Variants in FUBP1 observed in about 807,000 individuals in gnomAD.
The protein encoded by FUBP1 is far upstream element binding protein 1, also known as far upstream element-binding protein 1.
Under a neutral mutation model 94.9 loss-of-function variants are expected in FUBP1, and 16 were observed. The observed-to-expected ratio is 0.17, with a 90% confidence interval of 0.11 to 0.26. The LOEUF (loss-of-function observed/expected upper bound fraction) is 0.26. Among genes scored for constraint, FUBP1 ranks in the 10% least tolerant of loss-of-function variants. The probability of loss-of-function intolerance (pLI) is 1.00; values close to 1 mark genes in which losing one functional copy is unlikely to be tolerated. For synonymous variants in FUBP1, 279 were observed against 254.9 expected, an observed-to-expected ratio of 1.09 and a Z score of -0.90; for missense variants, 583 against 808.6, an observed-to-expected ratio of 0.72 and a Z score of 3.38.
At chr1:77,969,167 C>A in intron 2 of FUBP1, 2 of 431,510 alleles carry the variant, frequency 4.6e-6, no homozygotes, top group Admixed American at 3.3e-5. Flanking sequence ...AAAAACCTCA[C>A]TATAAATATG....
At chr1:77,965,261 G>A in intron 7 of FUBP1, 30 bp from the exon 8 acceptor site, 1 of 1,468,938 alleles carries the variant, frequency 6.8e-7, no homozygotes, top group Non-Finnish European at 9.5e-7. Context: ...TAAATAGTAA[G>A]CTGTAGCATA....
At chr1:77,972,036 G>T (rs919846833) in intron 1 of FUBP1, among the ~76,000 whole-genome samples, 61 of 148,970 alleles carry the variant, frequency 4.1e-4, no homozygotes, top group African/African-American at 1.4e-3. Context: ...GTAAATTCTC[G>T]CTTTGGTCAA....
chr1:77,971,060 AC>A (rs1408516650), intron 1 of FUBP1, among the ~76,000 whole-genome samples: 1 of 151,622 alleles, frequency 6.6e-6, no homozygotes, highest in Non-Finnish European at 1.5e-5. Context: ...AAAATAAAAA[AC>A]AAAAAAAAAA....
At chr1:77,966,977 T>A (rs2102423240) in intron 5 of FUBP1, 22 bp from the exon 6 acceptor site, 1 of 1,572,148 alleles carries the variant, frequency 6.4e-7, no homozygotes, top group Non-Finnish European at 8.7e-7. Flanking sequence ...AAAAAAAATT[T>A]TTTTTTTGGT....
intron 16 of FUBP1, among the ~76,000 whole-genome samples, chr1:77,959,248 A>G (rs3767026): frequency 0.047 from 7,203 of 152,278 alleles, 229 homozygotes; most frequent in East Asian, 0.11. Context: ...AGGATCATAA[A>G]TAAATGTTAA....
rs1651699220 is a variant in FUBP1 at position 77,944,265 on chromosome 1, A to G, written c.*4501T>C. On this transcript the variant is annotated 3_prime_UTR_variant, in exon 20 of 20. Transcript: ENST00000370768. ...GCCAATCTTCTTTTTACACACGGGT[A>G]GTTTCTGTAGAGAACATTTTTCTCA... The G allele has an allele frequency of 5.0e-6, 1 of 199,806 alleles. No homozygotes were observed. 12.4% of individuals were successfully genotyped at this position (199,806 alleles called of 1,614,324 possible). A position where few individuals can be genotyped will look rare whatever the true frequency, so the allele number is the denominator to read the frequency against.
Position 77,968,179 on chromosome 1 carries a change from G to A in FUBP1, c.236C>T (p.Ala79Val). 6.5e-7 allele frequency: 1 copy of A among 1,538,266 alleles called. No homozygotes were observed. Among genetic ancestry groups the A allele is most frequent in the African/African-American group, 1.4e-5 (1 of 69,272 alleles). Residue 79 changes from alanine (A) to valine (V), a missense_variant, in exon 3 of 20, where the codon GCT becomes GTT. Transcript: ENST00000370768. ...GGAATACTTACAGTCATTTTGAGGA[G>A]CAACTTTCTTAGCATCTGGTTGATC... ...DGDQPDAKKV[A>V]PQNDSFGTQL... is the part of the protein sequence containing the mutation.
At position 77,947,286 on chromosome 1, in the gene FUBP1, G is replaced by T; in HGVS notation, c.*1480C>A. On this transcript the variant is annotated 3_prime_UTR_variant, in exon 20 of 20. Coordinates refer to ENST00000370768, the MANE Select transcript of FUBP1 (RefSeq NM_003902.5). ...TTAAGCTCACTTTAAAAAAAATACA[G>T]AACTATGTATTATTCTATGTTAAAT... 1 of 321,002 alleles carries T rather than the reference G, an allele frequency of 3.1e-6. No homozygotes were observed. Among genetic ancestry groups the T allele is most frequent in the Non-Finnish European group, 6.0e-6 (1 of 165,940 alleles). The allele number at this position is 321,002 out of a possible 1,614,324, so 19.9% of individuals were successfully genotyped here.
rs139194716 is a variant in FUBP1, at chr1:77,964,300, G to T, written c.894C>A (p.Ile298=). 1.3e-4 allele frequency: 210 copies of T among 1,608,604 alleles called. No homozygotes were observed. The highest frequency in any genetic ancestry group is 2.5e-4 in the Admixed American group (15 of 59,980). The change falls in exon 11 of 20, where the codon ATC becomes ATA. Residue 298 remains isoleucine (I), a synonymous_variant. Coordinates refer to ENST00000370768, the MANE Select transcript of FUBP1 (RefSeq NM_003902.5). ...CACCAGCATCATTTTGTATTTTTTT[G>T]ATCATCTCTCCATTTCTTCCTATTA... ...GIVIGRNGEM[I]KKIQNDAGVR...
In FUBP1 at chr1:77,946,967, T is replaced by A. The variant is rs999439419; in HGVS notation, c.*1799A>T. On this transcript the variant is annotated 3_prime_UTR_variant, in exon 20 of 20. Coordinates refer to ENST00000370768, the MANE Select transcript of FUBP1 (RefSeq NM_003902.5). ...CCATCCTGTAGGTAATCTCAACATT[T>A]ATGTCCTTGTACCTCTTCCTTTAAA... is the stretch of plus-strand genomic sequence containing the variant. 2 of 205,764 alleles carry A rather than the reference T, an allele frequency of 9.7e-6. No homozygotes were observed. The highest frequency in any genetic ancestry group is 2.0e-5 in the Non-Finnish European group (2 of 100,678). The allele number at this position is 205,764 out of a possible 1,614,324, so 12.7% of individuals were successfully genotyped here. A position where few individuals can be genotyped will look rare whatever the true frequency, so the allele number is the denominator to read the frequency against.
chr1:77,964,964 C>T lies in FUBP1; in HGVS notation c.641G>A (p.Arg214Gln), dbSNP rs1450984830. 5 of 1,609,902 alleles carry T rather than the reference C, an allele frequency of 3.1e-6. No homozygotes were observed. Among genetic ancestry groups the T allele is most frequent in the Admixed American group, 1.7e-5 (1 of 59,964 alleles). ...GGETIKQLQE[R>Q]AGVKMVMIQD... ...AATCATAACCATTTTAACTCCAGCCCGTTCCTGTTACAATCATAGAAATAA... is the reference window on the plus strand; with the variant it reads ...AATCATAACCATTTTAACTCCAGCCTGTTCCTGTTACAATCATAGAAATAA... The change falls in exon 9 of 20, where the codon CGG becomes CAG. Residue 214 changes from arginine to glutamine, a missense_variant. Arg to Gln is a conservative substitution (Grantham distance 43). Coordinates refer to ENST00000370768, the MANE Select transcript of FUBP1 (RefSeq NM_003902.5).
intron 18 of FUBP1, among the ~76,000 whole-genome samples, chr1:77,950,209 G>A (rs1056914695): frequency 6.6e-6 from 1 of 152,230 alleles, no homozygotes; most frequent in African/African-American, 2.4e-5. Flanking sequence ...CACCCAGGCT[G>A]GAGTGCAGCG....
Position 77,979,061 on chromosome 1 carries a change from T to TAAGA in FUBP1, c.-61_-58dup. On this transcript the variant is annotated 5_prime_UTR_variant, in exon 1 of 20. Transcript: ENST00000370768. Reference sequence around the variant, plus strand: ...CAGAGACTTCCTCTCAGCTAACAGCTAAGAAAGAAAGAAAATGGCGGCCGT... The same window carrying TAAGA: ...CAGAGACTTCCTCTCAGCTAACAGCTAAGAAAGAAAGAAAGAAAATGGCGGCCGT... 1 of 1,503,388 alleles carries TAAGA rather than the reference T, an allele frequency of 6.7e-7. No homozygotes were observed. Among genetic ancestry groups the TAAGA allele is most frequent in the Non-Finnish European group, 8.9e-7 (1 of 1,119,264 alleles). 93.1% of individuals were successfully genotyped at this position (1,503,388 alleles called of 1,614,324 possible). A position where few individuals can be genotyped will look rare whatever the true frequency, so the allele number is the denominator to read the frequency against.
chr1:77,974,818 T>C (rs1332333123), intron 1 of FUBP1, among the ~76,000 whole-genome samples: 1 of 152,178 alleles, frequency 6.6e-6, no homozygotes, highest in Non-Finnish European at 1.5e-5. Context: ...ACTATTGTAG[T>C]TTACTTAATT....
intron 14 of FUBP1, 34 bp downstream of exon 14, chr1:77,962,736 T>C (rs771605514): frequency 4.7e-6 from 7 of 1,474,126 alleles, no homozygotes; most frequent in African/African-American, 1.4e-5. Flanking sequence ...TCTAAGGGTC[T>C]ACACTAAAAA....
intron 17 of FUBP1, 90 bp downstream of exon 17, chr1:77,956,482 C>T (rs996626454): frequency 1.5e-6 from 1 of 662,542 alleles, no homozygotes; most frequent in Non-Finnish European, 2.4e-6. Context: ...TAAATAATGT[C>T]AGAAATTTTA....
chr1:77,979,026 G>A lies in FUBP1; in HGVS notation c.-22C>T, dbSNP rs2102565868. 1.2e-5 allele frequency: 19 copies of A among 1,594,062 alleles called. No individual in the cohort carries two copies. The highest frequency in any genetic ancestry group is 1.7e-4 in the Middle Eastern group (1 of 5,958). Reference sequence around the variant, plus strand: ...CCATGGTTGCACTATAAGAGCCGCTGCCGCCTGTTCAGAGACTTCCTCTCA... The same window carrying A: ...CCATGGTTGCACTATAAGAGCCGCTACCGCCTGTTCAGAGACTTCCTCTCA... On this transcript the variant is annotated 5_prime_UTR_variant, in exon 1 of 20. Transcript: ENST00000370768.
intron 14 of FUBP1, chr1:77,960,858 C>T (rs559183616): frequency 9.7e-6 from 2 of 205,358 alleles, no homozygotes; most frequent in East Asian, 1.7e-4. Context: ...TTATCTTCAG[C>T]TCTTCTCTCT....
chr1:77,962,152 A>C (rs1655604970), intron 14 of FUBP1, among the ~76,000 whole-genome samples: 1 of 152,218 alleles, frequency 6.6e-6, no homozygotes, highest in Admixed American at 6.5e-5. Flanking sequence ...TTTTTGTTCT[A>C]ACAGAAAACT....
Sources: allele counts gnomAD v4.1 joint callset (sites outside exome capture counted in the v4.1 genomes callset), GRCh38; gene constraint gnomAD v4.1.1; transcripts MANE v1.5; gene names NCBI Gene and HGNC (gene_info 2026-07-23, HGNC 2026-07-21).